METAP1D: variants seen among roughly 807,000 people sequenced by gnomAD.
METAP1D encodes methionine aminopeptidase 1D, mitochondrial.
Under a neutral mutation model 40.5 loss-of-function variants are expected in METAP1D, and 31 were observed. The ratio of observed to expected loss-of-function variants is 0.77; its 90% CI spans 0.58 to 1.03. The LOEUF (loss-of-function observed/expected upper bound fraction) is 1.03, where lower values mean the gene tolerates loss of function less well. Ranked by LOEUF, METAP1D falls within the 50% of genes least tolerant of loss-of-function variation. The pLI is 0.00. For synonymous variants in METAP1D, 151 were observed against 146.4 expected (o/e 1.03, Z -0.22); for missense variants, 411 against 420.7 (o/e 0.98, Z 0.20).
chr2:172,022,073 T>C (rs1217945659), intron 1 of METAP1D, among the ~76,000 whole-genome samples: 1 of 152,204 alleles, frequency 6.6e-6, no homozygotes, highest in Non-Finnish European at 1.5e-5. Context: ...CCCTGACCAC[T>C]ACTGTTACCT....
intron 1 of METAP1D, among the ~76,000 whole-genome samples, chr2:172,037,913 AAAG>A: frequency 6.6e-6 from 1 of 152,220 alleles, no homozygotes; most frequent in Non-Finnish European, 1.5e-5. Context: ...GTAGAAGTTG[AAAG>A]AAGCTGAAGC....
At chr2:172,055,121 C>T (rs1372048286) in intron 1 of METAP1D, among the ~76,000 whole-genome samples, 1 of 152,096 alleles carries the variant, frequency 6.6e-6, no homozygotes, top group Non-Finnish European at 1.5e-5. Context: ...TCCACTTGCC[C>T]CTTGTAGTAA....
chr2:172,002,385 T>TGC (rs1688487966), intron 1 of METAP1D, among the ~76,000 whole-genome samples: 1 of 152,228 alleles, frequency 6.6e-6, no homozygotes. Flanking sequence ...ACTGTATATA[T>TGC]AACATCTCTT....
chr2:172,048,360 GA>G (rs1465778960), intron 1 of METAP1D, among the ~76,000 whole-genome samples: 3 of 152,182 alleles, frequency 2.0e-5, no homozygotes, highest in African/African-American at 7.2e-5. Flanking sequence ...ACCATTTATT[GA>G]GTGCTTACCT....
intron 1 of METAP1D, among the ~76,000 whole-genome samples, chr2:172,058,886 T>C (rs565773871): frequency 6.6e-6 from 1 of 152,290 alleles, no homozygotes; most frequent in East Asian, 1.9e-4. Flanking sequence ...CCCAAGTCAA[T>C]TAGAGATCCA....
At chr2:172,023,823 A>G (rs16859959) in intron 1 of METAP1D, among the ~76,000 whole-genome samples, 1,530 of 151,946 alleles carry the variant, frequency 0.01, 25 homozygotes, top group African/African-American at 0.031. Flanking sequence ...GTTAATTGTC[A>G]AATCTAGGTA....
At position 172,080,153 on chromosome 2, in the gene METAP1D, T is replaced by C. The variant is rs1242646911; in HGVS notation, c.876T>C (p.Pro292=). 6.2e-7 allele frequency: 1 copy of C among 1,614,120 alleles called. No homozygotes were observed. Among genetic ancestry groups the C allele is most frequent in the Non-Finnish European group, 8.5e-7 (1 of 1,180,034 alleles). Residue 292 remains proline (P), a synonymous_variant, in exon 9 of 10, where the codon CCT becomes CCC. Transcript: ENST00000315796. ...TIEPIITEGS[P]EFKVLEDAWT... ...AGCCAATCATCACGGAGGGATCCCC[T>C]GAATTTAAAGTCCTGGAGGATGCAT... is the stretch of plus-strand genomic sequence containing the variant.
At chr2:172,028,371 C>A (rs1430353250) in intron 1 of METAP1D, among the ~76,000 whole-genome samples, 1 of 152,058 alleles carries the variant, frequency 6.6e-6, no homozygotes. Flanking sequence ...TGCCAGGAGG[C>A]CAGAGGGAGG....
At chr2:172,007,146 C>G (rs1410437334) in intron 1 of METAP1D, among the ~76,000 whole-genome samples, 4 of 144,568 alleles carry the variant, frequency 2.8e-5, no homozygotes, top group Non-Finnish European at 1.5e-5. Flanking sequence ...CGTTTTCCTG[C>G]TGCTTCCCAT....
intron 1 of METAP1D, among the ~76,000 whole-genome samples, chr2:172,010,446 C>CTTT (rs35703486): frequency 9.3e-5 from 11 of 117,772 alleles, no homozygotes; most frequent in Admixed American, 2.0e-4. Flanking sequence ...GCACCCAGCC[C>CTTT]TTTTTTTTTT....
intron 1 of METAP1D, among the ~76,000 whole-genome samples, chr2:172,042,931 G>A (rs139309918): frequency 4.2e-4 from 53 of 127,530 alleles, no homozygotes; most frequent in African/African-American, 1.2e-3. Flanking sequence ...ATGCGTACAT[G>A]TGTATACACG....
chr2:172,080,622 C>T lies in METAP1D; in HGVS notation c.*216C>T, dbSNP rs1175818987. On this transcript the variant is annotated 3_prime_UTR_variant, in exon 10 of 10. Coordinates refer to ENST00000315796, the MANE Select transcript of METAP1D (RefSeq NM_199227.3). ...TCGCGCGGCTTTGGAAAAACAAATC[C>T]TGGCCCTGGACTCGGTTTCCCAGCG... 1 of 610,582 alleles carries T rather than the reference C, an allele frequency of 1.6e-6. No homozygotes were observed. The highest frequency in any genetic ancestry group is 2.9e-6 in the Non-Finnish European group (1 of 346,068). The allele number at this position is 610,582 out of a possible 1,614,324, so 37.8% of individuals were successfully genotyped here.
rs182381602 is a variant in METAP1D at position 172,033,848 on chromosome 2, G to C, written c.41-27650G>C. ...CTCCAGCACTTTGGGAGGCCGAGGC[G>C]GGGGGGATCACGAGGTCAGGGATTT... On this transcript the variant is annotated intron_variant, in intron 1 of 9. Coordinates refer to ENST00000315796, the MANE Select transcript of METAP1D (RefSeq NM_199227.3). Among the ~76,000 whole-genome samples the C allele has an allele frequency of 1.1e-3, 167 of 151,770 alleles. 3 individuals carry two copies. Among genetic ancestry groups the C allele is most frequent in the East Asian group, 9.7e-3 (50 of 5,158 alleles).
intron 6 of METAP1D, among the ~76,000 whole-genome samples, chr2:172,074,307 T>G (rs1690495328): frequency 6.6e-6 from 1 of 152,098 alleles, no homozygotes; most frequent in Non-Finnish European, 1.5e-5. Flanking sequence ...GTTTTGATAT[T>G]AATTTGGAAC....
At chr2:172,007,560 T>C (rs1688616112) in intron 1 of METAP1D, among the ~76,000 whole-genome samples, 1 of 152,180 alleles carries the variant, frequency 6.6e-6, no homozygotes, top group Non-Finnish European at 1.5e-5. Flanking sequence ...GTTGTATTGT[T>C]TTCTTTTAAG....
intron 1 of METAP1D, among the ~76,000 whole-genome samples, chr2:172,041,017 C>G (rs1689509014): frequency 6.6e-6 from 1 of 151,630 alleles, no homozygotes; most frequent in Middle Eastern, 3.2e-3. Context: ...CCGCCCGCCT[C>G]GGCCTCCCAA....
chr2:172,066,571 C>T (rs1022491287), intron 5 of METAP1D, among the ~76,000 whole-genome samples: 1 of 152,174 alleles, frequency 6.6e-6, no homozygotes, highest in Non-Finnish European at 1.5e-5. Flanking sequence ...TGCTATGTGT[C>T]ATGTTTTTGA....
chr2:172,034,852 A>G (rs1206721937), intron 1 of METAP1D, among the ~76,000 whole-genome samples: 1 of 152,188 alleles, frequency 6.6e-6, no homozygotes, highest in Non-Finnish European at 1.5e-5. Flanking sequence ...TTCCCTGTAT[A>G]GTAAGAATTG....
chr2:172,040,295 G>A (rs916519483), intron 1 of METAP1D, among the ~76,000 whole-genome samples: 1 of 152,140 alleles, frequency 6.6e-6, no homozygotes, highest in Non-Finnish European at 1.5e-5. Flanking sequence ...AAGGATTTCA[G>A]TTAAACCAGG....
Sources: gnomAD v4.1 joint callset for allele counts (sites outside exome capture counted in the v4.1 genomes callset) on GRCh38, gnomAD v4.1.1 for gene constraint, MANE v1.5 for transcripts, NCBI Gene and HGNC (gene_info 2026-07-23, HGNC 2026-07-21) for gene names.